Variants in USP24 observed in about 807,000 individuals in gnomAD.
The protein encoded by USP24 is ubiquitin carboxyl-terminal hydrolase 24.
A neutral mutation model predicts 361.6 loss-of-function variants in USP24; 97 were observed. The ratio of observed to expected loss-of-function variants is 0.27; its 90% confidence interval spans 0.23 to 0.32. USP24 has a LOEUF of 0.32. Ranked by LOEUF, USP24 falls within the 10% of genes least tolerant of loss-of-function variation. The probability of loss-of-function intolerance (pLI) is 1.00; values close to 1 mark genes in which losing one functional copy is unlikely to be tolerated. For missense variants in USP24, 2,353 were observed against 3,165.6 expected (o/e 0.74, Z 6.16); for synonymous variants, 1,098 against 1,124.6 (o/e 0.98, Z 0.47).
intron 23 of USP24, among the ~76,000 whole-genome samples, 171 bp from the exon 24 acceptor site, chr1:55,141,902 T>C (rs758600620): frequency 1.3e-5 from 2 of 152,120 alleles, no homozygotes; most frequent in African/African-American, 4.8e-5. Flanking sequence ...ATGCTTCTAG[T>C]TGGACAACCA....
In USP24 at chr1:55,188,476, C is replaced by CA. The variant is rs35265045; in HGVS notation, c.325-10345dup. On this transcript the variant is annotated intron_variant, in intron 1 of 67. Coordinates refer to ENST00000294383, the MANE Select transcript of USP24 (RefSeq NM_015306.3). ...TGATAAAAGATTTGCATATAGAATA[C>CA]AAAAAAAAAACCTTACAACTCAATA... Among the ~76,000 whole-genome samples, 70 of 142,218 alleles carry CA rather than the reference C, an allele frequency of 4.9e-4. 1 individual carries two copies. Among genetic ancestry groups the CA allele is most frequent in the East Asian group, 1.2e-3 (6 of 4,882 alleles). The allele number at this position is 142,218 out of a possible 152,430, so 93.3% of individuals were successfully genotyped here.
intron 24 of USP24, 37 bp from the exon 25 acceptor site, chr1:55,139,047 G>T (rs1475553545): frequency 1.3e-5 from 20 of 1,529,594 alleles, no homozygotes; most frequent in Non-Finnish European, 1.6e-5. Context: ...AAATGTATTT[G>T]AAGTGTGATG....
intron 38 of USP24, among the ~76,000 whole-genome samples, chr1:55,110,591 T>G (rs1298316463): frequency 6.6e-6 from 1 of 152,162 alleles, no homozygotes; most frequent in Non-Finnish European, 1.5e-5. Flanking sequence ...GGAACTGTTT[T>G]GGGAGATTAG....
At position 55,154,411 on chromosome 1, in the gene USP24, C is replaced by T. The variant is rs1015325016; in HGVS notation, c.1610G>A (p.Arg537Gln). Residue 537 changes from arginine (R) to glutamine (Q), a missense_variant, in exon 14 of 68, where the codon CGA (arginine) becomes CAA (glutamine). Physicochemically the swap from Arg to Gln is conservative, Grantham distance 43. Transcript: ENST00000294383. ...CTCAAAGCGAGCTTCCCGGCCTATT[C>T]GTCCAATCAGGCTCAAAAGCTTCTG... ...VRQKLLSLIG[R>Q]IGREARFETT... 6.4e-7 allele frequency: 1 copy of T among 1,551,530 alleles called. No homozygotes were observed. Among genetic ancestry groups the T allele is most frequent in the Non-Finnish European group, 8.7e-7 (1 of 1,146,848 alleles).
chr1:55,137,397 CACA>C (rs1470250277), intron 28 of USP24, 115 bp downstream of exon 28: 4 of 1,239,122 alleles, frequency 3.2e-6, no homozygotes, highest in African/African-American at 3.1e-5. Context: ...GAAGAAATAA[CACA>C]ACAAGCTTGA....
Position 55,171,562 on chromosome 1 carries a change from GA to G in USP24, c.818del (p.Phe273SerfsTer13). 6.2e-7 allele frequency: 1 copy of G among 1,607,998 alleles called. No homozygotes were observed. The highest frequency in any genetic ancestry group is 8.5e-7 in the Non-Finnish European group (1 of 1,176,948). On this transcript the variant is annotated frameshift_variant, in exon 5 of 68. Transcript: ENST00000294383. LOFTEE classifies it high-confidence loss of function. Reference protein sequence around the residue: ...NMFAVSPVSTFQKEPHGWVVD... With the variant: ...NMFAVSPVSTXQKEPHGWVVD... ...GAAACTAAATGATGTTTACCTTTTG[GA>G]AAGTCGATACAGGTGAAACAGCAAA...
At chr1:55,204,694 T>C (rs1290117215) in intron 1 of USP24, among the ~76,000 whole-genome samples, 1 of 152,198 alleles carries the variant, frequency 6.6e-6, no homozygotes, top group Non-Finnish European at 1.5e-5. Context: ...CTTGAAATTA[T>C]AACAGAAAAG....
intron 32 of USP24, among the ~76,000 whole-genome samples, chr1:55,128,216 A>C (rs1021774351): frequency 2.0e-5 from 3 of 152,144 alleles, no homozygotes; most frequent in Non-Finnish European, 4.4e-5. Context: ...CTAGTCATAA[A>C]TGTCATTCTG....
At chr1:55,070,466 G>A (rs192428084) in intron 67 of USP24, among the ~76,000 whole-genome samples, 58 of 152,332 alleles carry the variant, frequency 3.8e-4, no homozygotes, top group South Asian at 1.0e-3. Flanking sequence ...TGTTTCAAAC[G>A]GGAAGAGCGC....
intron 32 of USP24, among the ~76,000 whole-genome samples, chr1:55,127,371 T>A (rs1247970119): frequency 6.6e-6 from 1 of 152,170 alleles, no homozygotes; most frequent in African/African-American, 2.4e-5. Context: ...TCCAATTTCA[T>A]CCATGTCCCT....
Position 55,215,213 on chromosome 1 carries a change from A to G in USP24, c.-100T>C, listed in dbSNP as rs962314899. 1 of 1,040,780 alleles carries G rather than the reference A, an allele frequency of 9.6e-7. No individual in the cohort carries two copies. Among genetic ancestry groups the G allele is most frequent in the African/African-American group, 1.7e-5 (1 of 59,268 alleles). The allele number at this position is 1,040,780 out of a possible 1,614,324, so 64.5% of individuals were successfully genotyped here. On this transcript the variant is annotated 5_prime_UTR_variant, in exon 1 of 68. Coordinates refer to ENST00000294383, the MANE Select transcript of USP24 (RefSeq NM_015306.3). The stretch of plus-strand genomic sequence containing the variant: ...CACCCTCCGCGCCGCCTCCGCGCCC[A>G]GGTTGGCCCCTGCGTTCCTGCCCCG...
chr1:55,072,517 AC>A (rs1474023499), intron 65 of USP24, 114 bp from the exon 66 acceptor site: 1 of 869,824 alleles, frequency 1.1e-6, no homozygotes, highest in Non-Finnish European at 1.7e-6. Flanking sequence ...GTACAAGTCT[AC>A]CCAGACCTTC....
chr1:55,077,444 A>C, intron 61 of USP24, 144 bp from the exon 62 acceptor site: 1 of 543,734 alleles, frequency 1.8e-6, no homozygotes, highest in Non-Finnish European at 3.0e-6. Flanking sequence ...TTAGTTTCTC[A>C]AATGCTAAGT....
intron 62 of USP24, among the ~76,000 whole-genome samples, 152 bp from the exon 63 acceptor site, chr1:55,075,675 C>CAAA (rs773491278): frequency 7.7e-3 from 29 of 3,782 alleles, no homozygotes; most frequent in East Asian, 0.014. Flanking sequence ...ACACCACCAC[C>CAAA]ACCAATACAG....
chr1:55,098,540 T>C lies in USP24; in HGVS notation c.5389A>G (p.Ile1797Val), dbSNP rs774517409. The change falls in exon 46 of 68, where the codon ATT becomes GTT. Residue 1797 changes from isoleucine (I) to valine (V), a missense_variant. Physicochemically the swap from Ile to Val is conservative, Grantham distance 29. Transcript: ENST00000294383. ...ATGCCCTGAAATGTATTCTTAAAAA[T>C]TTGGTCTCTCCCCATTTTCTGTTGG... Reference protein sequence around the residue: ...EYLKKMGRDQIFKNTFQGIYS... With the variant: ...EYLKKMGRDQVFKNTFQGIYS... 3 of 1,612,266 alleles carry C rather than the reference T, an allele frequency of 1.9e-6. No homozygotes were observed. The highest frequency in any genetic ancestry group is 4.5e-5 in the East Asian group (2 of 44,856).
chr1:55,201,926 A>G (rs191909624), intron 1 of USP24, among the ~76,000 whole-genome samples: 3 of 152,260 alleles, frequency 2.0e-5, no homozygotes, highest in African/African-American at 7.2e-5. Flanking sequence ...TGTTAAATCT[A>G]TTTTGTAGTG....
intron 23 of USP24, among the ~76,000 whole-genome samples, chr1:55,142,319 T>C (rs1427116268): frequency 6.6e-6 from 1 of 152,156 alleles, no homozygotes; most frequent in Non-Finnish European, 1.5e-5. Context: ...TACTACTAAC[T>C]GTCTTGCTGT....
chr1:55,112,759 T>C (rs1341109322), intron 38 of USP24, among the ~76,000 whole-genome samples: 2 of 152,012 alleles, frequency 1.3e-5, no homozygotes, highest in African/African-American at 4.8e-5. Flanking sequence ...GGGTGGAGAG[T>C]TCTGTAGATG....
chr1:55,143,331 G>A (rs1032373880), intron 21 of USP24, among the ~76,000 whole-genome samples: 1 of 152,156 alleles, frequency 6.6e-6, no homozygotes, highest in Non-Finnish European at 1.5e-5. Flanking sequence ...AATTCCACGG[G>A]AACCAGGATA....
Sources: allele counts gnomAD v4.1 joint callset (sites outside exome capture counted in the v4.1 genomes callset), GRCh38; gene constraint gnomAD v4.1.1; transcripts MANE v1.5; gene names NCBI Gene and HGNC (gene_info 2026-07-23, HGNC 2026-07-21).